The following DNAJB4 variants were observed in gnomAD, a reference collection of about 807,000 sequenced individuals.
DNAJB4 encodes dnaJ homolog subfamily B member 4.
In DNAJB4, 10 loss-of-function variants were observed where a neutral mutation model predicts 26.6. That is an observed-to-expected ratio of 0.38 (90% CI 0.23 to 0.64). The LOEUF is 0.64. DNAJB4 is among the 30% of genes least tolerant of loss of function. The probability of loss-of-function intolerance (pLI) is 0.58; values close to 1 mark genes in which losing one functional copy is unlikely to be tolerated. For synonymous variants in DNAJB4, 136 were observed against 134.8 expected (o/e 1.01, Z -0.06); for missense variants, 328 against 408.2 (o/e 0.80, Z 1.69).
intron 1 of DNAJB4, among the ~76,000 whole-genome samples, chr1:77,989,207 C>CT (rs1308403060): frequency 7.2e-5 from 11 of 152,174 alleles, no homozygotes; most frequent in African/African-American, 2.4e-4. Flanking sequence ...GAGCCCACCT[C>CT]TAATTTTATT....
chr1:78,014,173 A>T (rs7523874), intron 2 of DNAJB4, among the ~76,000 whole-genome samples: 121,780 of 151,302 alleles, frequency 0.8, 49,334 homozygotes, highest in Middle Eastern at 0.87. Flanking sequence ...CCACAGCGCA[A>T]TCTCGGCTCA....
chr1:78,008,379 A>G (rs958499777), intron 1 of DNAJB4, among the ~76,000 whole-genome samples: 5 of 152,224 alleles, frequency 3.3e-5, no homozygotes, highest in African/African-American at 1.2e-4. Context: ...AAAATGTGCT[A>G]TATACATTCA....
chr1:77,990,637 T>C (rs1276547804), intron 1 of DNAJB4, among the ~76,000 whole-genome samples: 1 of 152,224 alleles, frequency 6.6e-6, no homozygotes, highest in East Asian at 1.9e-4. Flanking sequence ...GTAGAACTTG[T>C]CTTTACACTT....
rs1470655393 is a variant in DNAJB4, at chr1:78,016,978, A to G, written c.*731A>G. The G allele has an allele frequency of 6.6e-6, 1 of 152,146 alleles. No individual in the cohort carries two copies. The highest frequency in any genetic ancestry group is 1.5e-5 in the Non-Finnish European group (1 of 67,966). 9.4% of individuals were successfully genotyped at this position (152,146 alleles called of 1,614,324 possible). A position where few individuals can be genotyped will look rare whatever the true frequency, so the allele number is the denominator to read the frequency against. On this transcript the variant is annotated 3_prime_UTR_variant, in exon 3 of 3. Coordinates refer to ENST00000370763, the MANE Select transcript of DNAJB4 (RefSeq NM_007034.5). Reference sequence around the variant, plus strand: ...CTATATATCTTGTACTTAATAAATTATAGGCTCATTTTGTTCTCTGCTAGT... The same window carrying G: ...CTATATATCTTGTACTTAATAAATTGTAGGCTCATTTTGTTCTCTGCTAGT...
At chr1:77,981,242 C>T (rs923909708) in intron 1 of DNAJB4, 3 of 151,534 alleles carry the variant, frequency 2.0e-5, no homozygotes, top group African/African-American at 2.4e-5. Context: ...TCACTGAAAC[C>T]TCAGCCTCCC....
In DNAJB4 at chr1:78,008,972, C is replaced by A. The variant is rs1381065183; in HGVS notation, c.211+3651C>A. On this transcript the variant is annotated intron_variant, in intron 1 of 2. Coordinates refer to ENST00000370763, the MANE Select transcript of DNAJB4 (RefSeq NM_007034.5). ...CTAATTTTTCTTTTTTTATGCTTTC[C>A]TTATTTTGTTATTGCATATGATTTA... Among the ~76,000 whole-genome samples the A allele has an allele frequency of 5.3e-5, 8 of 152,030 alleles. No homozygotes were observed. The East Asian group carries it at 1.2e-3, about 22-fold the overall frequency.
intron 2 of DNAJB4, among the ~76,000 whole-genome samples, chr1:78,015,447 CTTCTT>C (rs1460089374): frequency 1.9e-4 from 13 of 70,014 alleles, no homozygotes; most frequent in African/African-American, 3.9e-4. Context: ...TTCTTTTCTT[CTTCTT>C]TTTTTTTTTT....
upstream of DNAJB4, chr1:78,004,466 C>T (rs964791719): frequency 2.0e-5 from 3 of 152,020 alleles, no homozygotes; most frequent in Non-Finnish European, 4.4e-5. Flanking sequence ...TTGAAGACGA[C>T]ATAAATTACT....
At chr1:78,003,124 C>T (rs1375610526), upstream of DNAJB4, among the ~76,000 whole-genome samples, 3 of 151,746 alleles carry the variant, frequency 2.0e-5, no homozygotes, top group Non-Finnish European at 4.4e-5. Context: ...TAAAGGAACT[C>T]CCTTGGAAAT....
At chr1:78,013,784 T>C (rs1660561216) in intron 2 of DNAJB4, among the ~76,000 whole-genome samples, 165 bp downstream of exon 2, 1 of 152,146 alleles carries the variant, frequency 6.6e-6, no homozygotes, top group Admixed American at 6.5e-5. Context: ...CTTTTATGGA[T>C]GTGATTATAT....
At chr1:77,995,040 C>T (rs1660028005) in intron 1 of DNAJB4, among the ~76,000 whole-genome samples, 1 of 152,110 alleles carries the variant, frequency 6.6e-6, no homozygotes, top group Admixed American at 6.5e-5. Context: ...AACACAGTAG[C>T]CACTAGCCAC....
At chr1:77,985,657 G>A (rs1415135302) in intron 1 of DNAJB4, among the ~76,000 whole-genome samples, 1 of 151,986 alleles carries the variant, frequency 6.6e-6, no homozygotes, top group Non-Finnish European at 1.5e-5. Context: ...CCTTAACTAT[G>A]CACTTTGATA....
At chr1:78,010,574 T>G (rs1571445992) in intron 1 of DNAJB4, among the ~76,000 whole-genome samples, 2 of 152,186 alleles carry the variant, frequency 1.3e-5, no homozygotes, top group African/African-American at 4.8e-5. Flanking sequence ...ATTTTCAGAT[T>G]ATTAGGTCTC....
upstream of DNAJB4, among the ~76,000 whole-genome samples, chr1:78,003,746 C>G (rs1660248300): frequency 6.6e-6 from 1 of 151,848 alleles, no homozygotes; most frequent in Non-Finnish European, 1.5e-5. Flanking sequence ...TCATAAATAC[C>G]TGAAATATGT....
intron 1 of DNAJB4, 55 bp downstream of exon 1, chr1:78,005,376 T>TA: frequency 8.8e-7 from 1 of 1,137,970 alleles, no homozygotes; most frequent in South Asian, 1.7e-5. Flanking sequence ...TTTTTTTTTT[T>TA]TCTCTCTCTC....
intron 1 of DNAJB4, among the ~76,000 whole-genome samples, chr1:77,992,060 AT>A (rs1464567910): frequency 2.0e-4 from 31 of 152,204 alleles, no homozygotes; most frequent in Non-Finnish European, 7.3e-5. Flanking sequence ...ATTTGGGATG[AT>A]TTTATAGAAC....
intron 1 of DNAJB4, among the ~76,000 whole-genome samples, chr1:78,011,140 T>G (rs968552724): frequency 1.3e-5 from 2 of 152,208 alleles, no homozygotes; most frequent in African/African-American, 4.8e-5. Context: ...GTAGAACATT[T>G]CTTTCATAGT....
upstream of DNAJB4, chr1:78,004,931 G>C: frequency 3.1e-6 from 2 of 640,840 alleles, no homozygotes; most frequent in Non-Finnish European, 5.5e-6. Flanking sequence ...TAAGTGAGCC[G>C]TTGGGGAAGG....
intron 1 of DNAJB4, among the ~76,000 whole-genome samples, chr1:77,995,741 T>C (rs1660044991): frequency 6.6e-6 from 1 of 152,194 alleles, no homozygotes. Flanking sequence ...GTGTGAGCTA[T>C]CACCCTGGGC....
Sources: allele counts gnomAD v4.1 joint callset (sites outside exome capture counted in the v4.1 genomes callset), GRCh38; gene constraint gnomAD v4.1.1; transcripts MANE v1.5; gene names NCBI Gene and HGNC (gene_info 2026-07-23, HGNC 2026-07-21).